GCKR: variants seen among roughly 807,000 people sequenced by gnomAD.
GCKR encodes the protein glucokinase regulator, also known as glucokinase regulatory protein.
Under a neutral mutation model 82.9 loss-of-function variants are expected in GCKR, and 73 were observed. That is an observed-to-expected ratio of 0.88 (90% CI 0.73 to 1.07). The LOEUF (loss-of-function observed/expected upper bound fraction) is 1.07. Ranked by LOEUF, GCKR falls within the 50% of genes least tolerant of loss-of-function variation. GCKR has a pLI of 0.00. For missense variants in GCKR, 784 were observed against 782.1 expected, an observed-to-expected ratio of 1.00 and a Z score of -0.03; for synonymous variants, 294 against 291.8, an observed-to-expected ratio of 1.01 and a Z score of -0.08.
intron 7 of GCKR, among the ~76,000 whole-genome samples, chr2:27,500,420 G>A (rs1345248971): frequency 6.6e-6 from 1 of 152,190 alleles, no homozygotes; most frequent in Non-Finnish European, 1.5e-5. Flanking sequence ...TTACAGGCAT[G>A]AGTCACCATG....
intron 9 of GCKR, among the ~76,000 whole-genome samples, chr2:27,504,189 C>G (rs1308228906): frequency 6.6e-6 from 1 of 152,220 alleles, no homozygotes; most frequent in East Asian, 1.9e-4. Flanking sequence ...CAGTGGTGGG[C>G]ACACCATCTG....
chr2:27,514,759 C>T (rs1468612985), intron 16 of GCKR, among the ~76,000 whole-genome samples: 1 of 152,056 alleles, frequency 6.6e-6, no homozygotes, highest in Non-Finnish European at 1.5e-5. Flanking sequence ...AGTATTAGAG[C>T]TGGGTCAAAC....
chr2:27,498,138 G>A, intron 3 of GCKR, 117 bp from the exon 4 acceptor site: 1 of 793,480 alleles, frequency 1.3e-6, no homozygotes, highest in East Asian at 2.5e-5. Flanking sequence ...TCAATTTTGT[G>A]ATGAGAGGAG....
intron 8 of GCKR, among the ~76,000 whole-genome samples, chr2:27,502,405 GA>G (rs1257389157): frequency 6.6e-5 from 10 of 152,150 alleles, no homozygotes; most frequent in African/African-American, 2.2e-4. Flanking sequence ...CTGATTTTCA[GA>G]GTCATCTGGG....
intron 10 of GCKR, 61 bp from the exon 11 acceptor site, chr2:27,506,420 G>T (rs1669744867): frequency 2.8e-6 from 3 of 1,077,816 alleles, no homozygotes; most frequent in Admixed American, 3.4e-5. Context: ...GCTCAGGGAG[G>T]CACCTAAGCT....
rs943402181 is a variant in GCKR at position 27,522,485 on chromosome 2, G to C, written c.1598G>C (p.Arg533Pro). 1.2e-6 allele frequency: 2 copies of C among 1,613,694 alleles called. No individual in the cohort carries two copies. Among genetic ancestry groups the C allele is most frequent in the Non-Finnish European group, 8.5e-7 (1 of 1,179,686 alleles). The change falls in exon 18 of 19, where the codon CGA (arginine) becomes CCA (proline). Residue 533 changes from arginine to proline, a missense_variant. By Grantham distance (103) the Arg-to-Pro change is moderately radical. Coordinates refer to ENST00000264717, the MANE Select transcript of GCKR (RefSeq NM_001486.4). ...CGGTTCTCTGGACAGTCCAAGGCTC[G>C]ATGCATCGAGAGCCTCCTCCGAGCG... ...LQRFSGQSKARCIESLLRAIH... is the reference protein window; with the variant it reads ...LQRFSGQSKAPCIESLLRAIH...
intron 16 of GCKR, among the ~76,000 whole-genome samples, chr2:27,515,268 G>A (rs1349450784): frequency 2.0e-5 from 3 of 149,084 alleles, no homozygotes; most frequent in South Asian, 2.1e-4. Context: ...GAGCCACCAC[G>A]CCCAGCCTTA....
chr2:27,511,705 T>A (rs1180808321), intron 16 of GCKR, among the ~76,000 whole-genome samples: 3 of 151,898 alleles, frequency 2.0e-5, no homozygotes, highest in African/African-American at 4.8e-5. Flanking sequence ...TAATAAAAAT[T>A]AAAAATAAAA....
chr2:27,501,906 T>A (rs533051505), intron 8 of GCKR: 2 of 361,702 alleles, frequency 5.5e-6, no homozygotes, highest in East Asian at 1.9e-4. Flanking sequence ...TCTTAGTTCC[T>A]TGTGTAAGAG....
At chr2:27,506,448 G>T (rs781275561) in intron 10 of GCKR, 33 bp from the exon 11 acceptor site, 1 of 1,405,868 alleles carries the variant, frequency 7.1e-7, no homozygotes, top group Non-Finnish European at 1.0e-6. Context: ...GGGGAATTGG[G>T]CCCTTCTTGA....
At chr2:27,497,719 C>T (rs950931233) in intron 3 of GCKR, 89 bp downstream of exon 3, 19 of 821,002 alleles carry the variant, frequency 2.3e-5, no homozygotes, top group African/African-American at 3.3e-5. Context: ...TGATAGATCT[C>T]ATTCTCCTTT....
chr2:27,523,143 C>G, intron 18 of GCKR, 126 bp from the exon 19 acceptor site: 1 of 757,494 alleles, frequency 1.3e-6, no homozygotes, highest in East Asian at 2.7e-5. Flanking sequence ...AAGTGATCTG[C>G]CCACCTCGGC....
In GCKR at chr2:27,496,943, C is replaced by T. The variant is rs1253860846; in HGVS notation, c.39C>T (p.Thr13=). The T allele has an allele frequency of 1.2e-6, 2 of 1,613,464 alleles. No individual in the cohort carries two copies. The highest frequency in any genetic ancestry group is 4.5e-5 in the East Asian group (2 of 44,894). Reference sequence around the variant, plus strand: ...AACGGTTTCAACATGTCATTGAGACCCCGGAGCCTGGCAAGTGGGAGGTGA... The same window carrying T: ...AACGGTTTCAACATGTCATTGAGACTCCGGAGCCTGGCAAGTGGGAGGTGA... ...GTKRFQHVIE[T]PEPGKWELSG... Residue 13 remains threonine (T), a synonymous_variant, in exon 1 of 19, where the codon ACC becomes ACT. Coordinates refer to ENST00000264717, the MANE Select transcript of GCKR (RefSeq NM_001486.4).
Position 27,496,941 on chromosome 2 carries a change from ACCCCGG to A in GCKR, c.38_43del (p.Thr13_Glu15delinsLys). ...AAAACGGTTTCAACATGTCATTGAG[ACCCCGG>A]AGCCTGGCAAGTGGGAGGTGAGACC... On this transcript the variant is annotated inframe_deletion, in exon 1 of 19. Transcript: ENST00000264717. 1 of 1,613,474 alleles carries A rather than the reference ACCCCGG, an allele frequency of 6.2e-7. No individual in the cohort carries two copies. Among genetic ancestry groups the A allele is most frequent in the Admixed American group, 1.7e-5 (1 of 59,988 alleles).
intron 17 of GCKR, 92 bp from the exon 18 acceptor site, chr2:27,522,368 C>G: frequency 7.8e-7 from 1 of 1,289,044 alleles, no homozygotes; most frequent in Non-Finnish European, 1.1e-6. Context: ...GGATCCCAGC[C>G]TCTCACTCTC....
intron 16 of GCKR, among the ~76,000 whole-genome samples, chr2:27,513,731 C>T (rs1403884681): frequency 6.6e-6 from 1 of 152,036 alleles, no homozygotes; most frequent in Admixed American, 6.6e-5. Context: ...GTCCTTGTGA[C>T]ATATCCACAT....
chr2:27,497,172 C>G, intron 1 of GCKR, 72 bp from the exon 2 acceptor site: 2 of 1,565,088 alleles, frequency 1.3e-6, no homozygotes, highest in Non-Finnish European at 1.8e-6. Flanking sequence ...TGCTGCCACT[C>G]CCACCTCCAG....
At position 27,506,852 on chromosome 2, in the gene GCKR, G is replaced by A. The variant is rs1397803431; in HGVS notation, c.1033G>A (p.Asp345Asn). The change falls in exon 12 of 19, where the codon GAT (aspartate) becomes AAT (asparagine). Residue 345 changes from aspartate to asparagine, a missense_variant. Physicochemically the swap from Asp to Asn is conservative, Grantham distance 23 (BLOSUM62 1). Coordinates refer to ENST00000264717, the MANE Select transcript of GCKR (RefSeq NM_001486.4). Reference protein sequence around the residue: ...WQTLGIIAIMDGVECIHTFGA... With the variant: ...WQTLGIIAIMNGVECIHTFGA... ...GACCCTGGGCATCATTGCCATCATGGATGGAGTAGAGTGCATCCACACCTT... is the reference window on the plus strand; with the variant it reads ...GACCCTGGGCATCATTGCCATCATGAATGGAGTAGAGTGCATCCACACCTT... The A allele has an allele frequency of 6.2e-7, 1 of 1,613,000 alleles. No individual in the cohort carries two copies. The highest frequency in any genetic ancestry group is 1.3e-5 in the African/African-American group (1 of 74,968).
At chr2:27,502,305 G>A (rs1669604106) in intron 8 of GCKR, among the ~76,000 whole-genome samples, 1 of 152,184 alleles carries the variant, frequency 6.6e-6, no homozygotes, top group Admixed American at 6.5e-5. Context: ...CTAATTTCAG[G>A]CCCTATGACT....
Sources: allele counts gnomAD v4.1 joint callset (sites outside exome capture counted in the v4.1 genomes callset), GRCh38; gene constraint gnomAD v4.1.1; transcripts MANE v1.5; gene names NCBI Gene and HGNC (gene_info 2026-07-23, HGNC 2026-07-21).